Variants in ZNF536 observed in about 807,000 individuals in gnomAD.
ZNF536 encodes the protein zinc finger protein 536.
A neutral mutation model predicts 84.5 loss-of-function variants in ZNF536; 13 were observed. That is an observed-to-expected ratio of 0.15 (90% CI 0.10 to 0.24). ZNF536 has a LOEUF of 0.24. Among genes scored for constraint, ZNF536 ranks in the 10% least tolerant of loss-of-function variants. The pLI is 1.00. For synonymous variants in ZNF536, 811 were observed against 742.5 expected (o/e 1.09, Z -1.50); for missense variants, 1,536 against 1,747.5 (o/e 0.88, Z 2.16).
At position 30,691,411 on chromosome 19, in the gene ZNF536, C is replaced by T. The variant is rs1169862776; in HGVS notation, c.170-19346C>T. ...AAATCAACTTGTCACCGAGACATTC[C>T]TCAACTGTTAATCAAATTGGGGCTG... On this transcript the variant is annotated intron_variant, in intron 1 of 1. Coordinates refer to the ZNF536 transcript ENST00000592773. 4.6e-5 allele frequency among the ~76,000 whole-genome samples: 6 copies of T among 129,394 alleles called. No homozygotes were observed. In the East Asian group the frequency reaches 1.7e-3, roughly 37 times the overall value. The allele number at this position is 129,394 out of a possible 152,430, so 84.9% of individuals were successfully genotyped here. A position where few individuals can be genotyped will look rare whatever the true frequency, so the allele number is the denominator to read the frequency against.
chr19:30,552,524 C>A (rs1038288745), intron 4 of ZNF536, among the ~76,000 whole-genome samples: 1 of 152,240 alleles, frequency 6.6e-6, no homozygotes, highest in Non-Finnish European at 1.5e-5. Context: ...TCCTCCAACC[C>A]TTGCTGTTGA....
chr19:30,681,198 G>A (rs925124649), intron 1 of ZNF536, among the ~76,000 whole-genome samples: 1 of 152,180 alleles, frequency 6.6e-6, no homozygotes, highest in African/African-American at 2.4e-5. Flanking sequence ...TAAGGAATGA[G>A]ACCCGTGGAG....
At chr19:30,628,056 C>G (rs893565454) in intron 1 of ZNF536, among the ~76,000 whole-genome samples, 1 of 152,212 alleles carries the variant, frequency 6.6e-6, no homozygotes, top group Admixed American at 6.5e-5. Flanking sequence ...CACAGACAGA[C>G]GGGAATGCAG....
At chr19:30,330,527 G>GA (rs2047177168) in intron 2 of ZNF536, among the ~76,000 whole-genome samples, 1 of 152,158 alleles carries the variant, frequency 6.6e-6, no homozygotes, top group Non-Finnish European at 1.5e-5. Context: ...TTTGCTACCA[G>GA]TGGATTTAGA....
At chr19:30,234,776 C>CGCGT (rs3081820) in intron 1 of ZNF536, among the ~76,000 whole-genome samples, 702 of 151,840 alleles carry the variant, frequency 4.6e-3, no homozygotes, top group African/African-American at 0.016. Flanking sequence ...CACACACACG[C>CGCGT]GCACACGCAC....
intron 3 of ZNF536, among the ~76,000 whole-genome samples, chr19:30,365,911 T>G (rs1249686762): frequency 6.6e-6 from 1 of 152,218 alleles, no homozygotes; most frequent in East Asian, 1.9e-4. Flanking sequence ...ATCAGAATAA[T>G]TATATAAGCC....
intron 1 of ZNF536, among the ~76,000 whole-genome samples, chr19:30,582,393 T>C (rs1168458842): frequency 7.0e-6 from 1 of 143,860 alleles, no homozygotes; most frequent in Non-Finnish European, 1.5e-5. Context: ...TTTTTTTTTT[T>C]TTTTTTCAGA....
At chr19:30,297,433 T>C (rs2046034432) in intron 2 of ZNF536, among the ~76,000 whole-genome samples, 1 of 152,202 alleles carries the variant, frequency 6.6e-6, no homozygotes, top group Non-Finnish European at 1.5e-5. Context: ...TTGAAGGTTT[T>C]ATTACTGAAC....
intron 2 of ZNF536, among the ~76,000 whole-genome samples, chr19:30,491,914 A>G (rs1218617051): frequency 6.6e-6 from 1 of 151,888 alleles, no homozygotes; most frequent in Non-Finnish European, 1.5e-5. Flanking sequence ...GTTCAACTTT[A>G]TATTCCTTGA....
intron 2 of ZNF536, among the ~76,000 whole-genome samples, chr19:30,323,478 G>A (rs1474686312): frequency 1.3e-5 from 2 of 152,186 alleles, no homozygotes; most frequent in Non-Finnish European, 2.9e-5. Context: ...CAGGGAGAGG[G>A]GAAAAGCACA....
chr19:30,236,645 G>A (rs761307617), intron 1 of ZNF536, among the ~76,000 whole-genome samples: 1 of 152,090 alleles, frequency 6.6e-6, no homozygotes, highest in Non-Finnish European at 1.5e-5. Context: ...ATGGATTAAG[G>A]CTGCAAGGTA....
upstream of ZNF536, among the ~76,000 whole-genome samples, chr19:30,227,270 C>T (rs1335242649): frequency 2.6e-5 from 4 of 152,084 alleles, no homozygotes; most frequent in Non-Finnish European, 4.4e-5. Flanking sequence ...TTAAGTCCCC[C>T]CCTTTTCACT....
At chr19:30,270,949 T>C (rs1041433597) in intron 1 of ZNF536, among the ~76,000 whole-genome samples, 3 of 152,126 alleles carry the variant, frequency 2.0e-5, no homozygotes, top group Non-Finnish European at 4.4e-5. Flanking sequence ...TTTTTTTTTT[T>C]ATAATGTGCC....
intron 1 of ZNF536, among the ~76,000 whole-genome samples, chr19:30,628,430 C>CTT (rs35554742): frequency 0.011 from 1,587 of 139,298 alleles, 20 homozygotes; most frequent in Non-Finnish European, 0.017. Context: ...CCAGTAGTCA[C>CTT]TTTTTTTTTT....
rs59889852 is a variant in ZNF536, at chr19:30,264,966, T to TGTGTGAGAGA, written c.-189-19105_-189-19104insTGTGAGAGAG. On this transcript the variant is annotated intron_variant, in intron 1 of 5. Transcript: ENST00000585628. Reference sequence around the variant, plus strand: ...GTGTGTGTGTGTGTGTGTGTGTGTGTGAGAGAGAGAGAGAGAAAGAGAGAT... The same window carrying TGTGTGAGAGA: ...GTGTGTGTGTGTGTGTGTGTGTGTGTGTGTGAGAGAGAGAGAGAGAGAGAGAAAGAGAGAT... 5.8e-3 allele frequency among the ~76,000 whole-genome samples: 777 copies of TGTGTGAGAGA among 133,834 alleles called. 9 individuals are homozygous for TGTGTGAGAGA. Among genetic ancestry groups the TGTGTGAGAGA allele is most frequent in the African/African-American group, 9.3e-3 (314 of 33,778 alleles). 87.8% of individuals were successfully genotyped at this position (133,834 alleles called of 152,430 possible). A position where few individuals can be genotyped will look rare whatever the true frequency, so the allele number is the denominator to read the frequency against.
chr19:30,324,284 A>AT (rs1260377202), intron 2 of ZNF536, among the ~76,000 whole-genome samples: 1 of 152,052 alleles, frequency 6.6e-6, no homozygotes. Context: ...TCCATCATCA[A>AT]TTTTTTTATC....
chr19:30,695,231 G>A (rs944096225), intron 1 of ZNF536, among the ~76,000 whole-genome samples: 6 of 152,090 alleles, frequency 3.9e-5, no homozygotes, highest in East Asian at 1.9e-4. Context: ...TGGCCTGCAC[G>A]GAGGAAGGAA....
At chr19:30,648,064 C>A (rs1288217607) in intron 1 of ZNF536, among the ~76,000 whole-genome samples, 1 of 152,200 alleles carries the variant, frequency 6.6e-6, no homozygotes, top group Non-Finnish European at 1.5e-5. Flanking sequence ...CTATGGCTCG[C>A]TCCCCTTCAG....
At chr19:30,708,393 G>A (rs1486192287) in intron 1 of ZNF536, among the ~76,000 whole-genome samples, 9 of 152,212 alleles carry the variant, frequency 5.9e-5, no homozygotes, top group African/African-American at 2.4e-5. Context: ...GTGCTGTAGC[G>A]TGGAATGGAA....
Sources: allele counts gnomAD v4.1 joint callset (sites outside exome capture counted in the v4.1 genomes callset), GRCh38; gene constraint gnomAD v4.1.1; transcripts MANE v1.5; gene names NCBI Gene and HGNC (gene_info 2026-07-23, HGNC 2026-07-21).